Variants in C1orf21 observed in about 807,000 individuals in gnomAD.
The protein encoded by C1orf21 is uncharacterized protein C1orf21.
A neutral mutation model predicts 18.7 loss-of-function variants in C1orf21; 3 were observed. That is an observed-to-expected ratio of 0.16 (90% CI 0.07 to 0.42). The LOEUF is 0.42. Ranked by LOEUF, C1orf21 falls within the 10% of genes least tolerant of loss-of-function variation. C1orf21 has a pLI of 0.99. For missense variants in C1orf21, 104 were observed against 143.6 expected (o/e 0.72, Z 1.41); for synonymous variants, 41 against 46.4 (o/e 0.88, Z 0.47).
chr1:184,485,138 A>T (rs760188329), intron 2 of C1orf21, among the ~76,000 whole-genome samples: 21 of 152,158 alleles, frequency 1.4e-4, no homozygotes, highest in Non-Finnish European at 2.8e-4. Flanking sequence ...TAACAGAGAG[A>T]ATAATGTTTG....
At chr1:184,575,744 G>T (rs1659177265) in intron 3 of C1orf21, among the ~76,000 whole-genome samples, 1 of 151,642 alleles carries the variant, frequency 6.6e-6, no homozygotes, top group Non-Finnish European at 1.5e-5. Context: ...ATGAATTAGA[G>T]AGGTTTTAGC....
At chr1:184,475,696 T>G (rs890604015) in intron 1 of C1orf21, among the ~76,000 whole-genome samples, 2 of 150,980 alleles carry the variant, frequency 1.3e-5, no homozygotes, top group African/African-American at 4.9e-5. Context: ...ATAGAAATAC[T>G]GTAGCCTTGA....
intron 2 of C1orf21, among the ~76,000 whole-genome samples, chr1:184,485,216 C>G (rs1306509237): frequency 6.6e-6 from 1 of 151,650 alleles, no homozygotes. Flanking sequence ...GTGACTAGTC[C>G]TAATTGAGAT....
intron 1 of C1orf21, among the ~76,000 whole-genome samples, chr1:184,445,874 A>G (rs1205357179): frequency 6.6e-6 from 1 of 152,222 alleles, no homozygotes; most frequent in Non-Finnish European, 1.5e-5. Context: ...CCATTTTATC[A>G]TAACAATTAC....
chr1:184,424,862 G>T (rs1456261143), intron 1 of C1orf21, among the ~76,000 whole-genome samples: 1 of 152,160 alleles, frequency 6.6e-6, no homozygotes, highest in East Asian at 1.9e-4. Flanking sequence ...ATCTCCAACT[G>T]TAGTGAAGAT....
At chr1:184,550,056 T>G (rs978545337) in intron 3 of C1orf21, among the ~76,000 whole-genome samples, 1 of 152,234 alleles carries the variant, frequency 6.6e-6, no homozygotes, top group African/African-American at 2.4e-5. Flanking sequence ...TAGGCTGTTG[T>G]CAGTGTTCTC....
chr1:184,397,398 A>G (rs1230879845), intron 1 of C1orf21, among the ~76,000 whole-genome samples: 5 of 152,168 alleles, frequency 3.3e-5, no homozygotes, highest in South Asian at 2.1e-4. Context: ...CATCCTGGCT[A>G]ACACGGTGAA....
chr1:184,417,986 G>T (rs1289435775), intron 1 of C1orf21, among the ~76,000 whole-genome samples: 1 of 152,192 alleles, frequency 6.6e-6, no homozygotes, highest in Non-Finnish European at 1.5e-5. Context: ...GGTTAAGGTG[G>T]TGATGGTAGC....
chr1:184,504,164 A>G (rs1204971511), intron 2 of C1orf21, among the ~76,000 whole-genome samples: 2 of 152,154 alleles, frequency 1.3e-5, no homozygotes, highest in African/African-American at 2.4e-5. Flanking sequence ...ACAGCCTGCA[A>G]CTGTTTACAT....
intron 3 of C1orf21, among the ~76,000 whole-genome samples, chr1:184,587,498 T>C (rs1659373614): frequency 6.6e-6 from 1 of 150,744 alleles, no homozygotes; most frequent in Non-Finnish European, 1.5e-5. Flanking sequence ...ATCTTTTAGC[T>C]CCCTGCTTAG....
chr1:184,490,388 T>C (rs1018685068), intron 2 of C1orf21, among the ~76,000 whole-genome samples: 4 of 152,214 alleles, frequency 2.6e-5, no homozygotes, highest in African/African-American at 9.7e-5. Flanking sequence ...AAGAGGATGA[T>C]TAAAGCCTCA....
At chr1:184,420,755 CA>C (rs1222780808) in intron 1 of C1orf21, among the ~76,000 whole-genome samples, 5 of 152,040 alleles carry the variant, frequency 3.3e-5, no homozygotes, top group African/African-American at 1.2e-4. Context: ...ATAACCCCCC[CA>C]CACAACATTA....
chr1:184,585,478 T>C (rs1659340037), intron 3 of C1orf21, among the ~76,000 whole-genome samples: 1 of 151,894 alleles, frequency 6.6e-6, no homozygotes, highest in Non-Finnish European at 1.5e-5. Context: ...TATTTAACTT[T>C]TATTTTCAGG....
intron 2 of C1orf21, among the ~76,000 whole-genome samples, chr1:184,494,548 G>C (rs1023393614): frequency 6.6e-6 from 1 of 152,072 alleles, no homozygotes; most frequent in African/African-American, 2.4e-5. Context: ...ATGAGATATG[G>C]GCGGGCTTGG....
At chr1:184,460,752 G>A (rs1299643252) in intron 1 of C1orf21, among the ~76,000 whole-genome samples, 1 of 127,498 alleles carries the variant, frequency 7.8e-6, no homozygotes, top group Non-Finnish European at 1.6e-5. Flanking sequence ...TCATTATGTT[G>A]CCCAGGCTGG....
At chr1:184,593,676 T>C (rs1322399770) in intron 4 of C1orf21, among the ~76,000 whole-genome samples, 1 of 152,250 alleles carries the variant, frequency 6.6e-6, no homozygotes, top group African/African-American at 2.4e-5. Flanking sequence ...TACCCACTGC[T>C]TATGGCATTG....
intron 5 of C1orf21, among the ~76,000 whole-genome samples, chr1:184,607,671 G>GTATATATATACATATATGTGTGTGTA (rs1659666794): frequency 2.0e-5 from 3 of 150,080 alleles, no homozygotes; most frequent in African/African-American, 7.4e-5. Flanking sequence ...ATATATGTGT[G>GTATATATATACATATATGTGTGTGTA]TATATATATA....
At position 184,396,749 on chromosome 1, in the gene C1orf21, CT is replaced by C. The variant is rs1388926608; in HGVS notation, c.-125+9382del. ...ACCCTCTTACCACACCACGTACCTC[CT>C]CTCCTTGTCTGTATGCACTTTCCAA... On this transcript the variant is annotated intron_variant, in intron 1 of 5. Transcript: ENST00000235307. Among the ~76,000 whole-genome samples the C allele has an allele frequency of 3.3e-5, 5 of 152,296 alleles. No individual in the cohort carries two copies. In the South Asian group the frequency reaches 8.3e-4, roughly 25 times the overall value.
chr1:184,545,932 A>G (rs1658721151), intron 3 of C1orf21: 1 of 152,144 alleles, frequency 6.6e-6, no homozygotes, highest in Non-Finnish European at 1.5e-5. Context: ...CTAGGGTGAA[A>G]TGCTTCAGTG....
Sources: gnomAD v4.1 joint callset for allele counts (sites outside exome capture counted in the v4.1 genomes callset) on GRCh38, gnomAD v4.1.1 for gene constraint, MANE v1.5 for transcripts, NCBI Gene and HGNC (gene_info 2026-07-23, HGNC 2026-07-21) for gene names.